The following XKR6 variants were observed in gnomAD, a reference collection of about 807,000 sequenced individuals.
The protein encoded by XKR6 is XK related 6.
In XKR6, 22 loss-of-function variants were observed where a neutral mutation model predicts 56.7. The ratio of observed to expected loss-of-function variants is 0.39; its 90% confidence interval spans 0.28 to 0.55. XKR6 has a LOEUF of 0.55. Among genes scored for constraint, XKR6 ranks in the 20% least tolerant of loss-of-function variants. XKR6 has a pLI of 0.66. For missense variants in XKR6, 852 were observed against 889.0 expected (o/e 0.96, Z 0.53); for synonymous variants, 524 against 387.8 (o/e 1.35, Z -4.13).
intron 1 of XKR6, among the ~76,000 whole-genome samples, chr8:11,143,884 G>T (rs934104264): frequency 1.3e-5 from 2 of 152,192 alleles, no homozygotes; most frequent in African/African-American, 4.8e-5. Flanking sequence ...GAGGCTGGAA[G>T]TGCAAGATCT....
At chr8:11,091,293 C>T (rs1165082196) in intron 1 of XKR6, among the ~76,000 whole-genome samples, 1 of 151,930 alleles carries the variant, frequency 6.6e-6, no homozygotes, top group Non-Finnish European at 1.5e-5. Context: ...TATAAATTAG[C>T]CAGGTGTGGT....
At chr8:11,113,344 G>C (rs1798999918) in intron 1 of XKR6, among the ~76,000 whole-genome samples, 1 of 151,986 alleles carries the variant, frequency 6.6e-6, no homozygotes, top group Non-Finnish European at 1.5e-5. Context: ...AAAGGACATG[G>C]TCCATCAGAA....
intron 2 of XKR6, among the ~76,000 whole-genome samples, chr8:10,905,257 G>A (rs923240232): frequency 2.0e-5 from 3 of 152,152 alleles, no homozygotes; most frequent in East Asian, 1.9e-4. Context: ...ATCTGCCCCA[G>A]TGGAGAGCTG....
At chr8:11,195,179 T>C (rs776844602) in intron 1 of XKR6, 3 of 703,134 alleles carry the variant, frequency 4.3e-6, no homozygotes, top group African/African-American at 1.7e-5. Context: ...TGTGGTTAAA[T>C]CTGCTCCTTC....
intron 1 of XKR6, among the ~76,000 whole-genome samples, chr8:11,131,385 T>A (rs893862529): frequency 6.6e-6 from 1 of 152,178 alleles, no homozygotes; most frequent in Non-Finnish European, 1.5e-5. Context: ...AAAGAGTAAT[T>A]AACATAGAAG....
At chr8:11,062,683 T>TAGA (rs1799865737) in intron 1 of XKR6, 1 of 452,920 alleles carries the variant, frequency 2.2e-6, no homozygotes, top group African/African-American at 2.0e-5. Context: ...GTGATCTGGT[T>TAGA]TTTAGTTAGA....
chr8:11,014,441 C>T (rs948245559), intron 1 of XKR6, among the ~76,000 whole-genome samples: 5 of 152,156 alleles, frequency 3.3e-5, no homozygotes, highest in Non-Finnish European at 7.3e-5. Context: ...CCTGCGGGCT[C>T]CCCAAGGACA....
intron 1 of XKR6, among the ~76,000 whole-genome samples, chr8:11,059,652 C>A (rs1563110028): frequency 7.5e-6 from 1 of 133,766 alleles, no homozygotes; most frequent in African/African-American, 3.3e-5. Flanking sequence ...GGGACAGGTG[C>A]GGGGGGCGCG....
chr8:10,948,258 C>T (rs529225151), intron 1 of XKR6, among the ~76,000 whole-genome samples: 7 of 152,172 alleles, frequency 4.6e-5, no homozygotes, highest in Admixed American at 1.3e-4. Flanking sequence ...GATTTGGGCT[C>T]AGGTCCGTCC....
intron 1 of XKR6, among the ~76,000 whole-genome samples, chr8:11,034,642 T>G (rs997316337): frequency 6.6e-6 from 1 of 152,218 alleles, no homozygotes; most frequent in Non-Finnish European, 1.5e-5. Context: ...GAGACAACTT[T>G]GTCCCTAAGC....
intron 1 of XKR6, among the ~76,000 whole-genome samples, chr8:10,970,503 C>T (rs1208140803): frequency 6.6e-6 from 1 of 152,062 alleles, no homozygotes; most frequent in Non-Finnish European, 1.5e-5. Flanking sequence ...CTTGGAGGAT[C>T]TGCACATGAA....
At chr8:10,962,109 G>A (rs568929017) in intron 1 of XKR6, among the ~76,000 whole-genome samples, 70 of 152,252 alleles carry the variant, frequency 4.6e-4, no homozygotes, top group African/African-American at 1.5e-3. Flanking sequence ...GACTTTCCGC[G>A]GGGGCGACAG....
chr8:11,155,173 G>A (rs1801457958), intron 1 of XKR6, among the ~76,000 whole-genome samples: 1 of 152,162 alleles, frequency 6.6e-6, no homozygotes, highest in Non-Finnish European at 1.5e-5. Context: ...TTATCACTCA[G>A]AAAGATTCCA....
intron 1 of XKR6, chr8:11,108,568 G>A (rs926040043): frequency 2.9e-6 from 1 of 345,352 alleles, no homozygotes; most frequent in Non-Finnish European, 5.6e-6. Flanking sequence ...TAGTGCCTTG[G>A]ACTCTATTTC....
At chr8:11,033,402 A>G (rs1373474892) in intron 1 of XKR6, among the ~76,000 whole-genome samples, 3 of 132,884 alleles carry the variant, frequency 2.3e-5, no homozygotes, top group East Asian at 2.3e-4. Flanking sequence ...TGATGACGAT[A>G]GTGATGGTGA....
At chr8:11,162,963 A>G (rs1251821299) in intron 1 of XKR6, among the ~76,000 whole-genome samples, 1 of 152,234 alleles carries the variant, frequency 6.6e-6, no homozygotes, top group Non-Finnish European at 1.5e-5. Context: ...GTTTTGGACC[A>G]TGAGCCTGCA....
At chr8:11,144,222 A>C (rs1800860996) in intron 1 of XKR6, among the ~76,000 whole-genome samples, 1 of 76,370 alleles carries the variant, frequency 1.3e-5, no homozygotes, top group Non-Finnish European at 2.6e-5. Flanking sequence ...TTTAAATAAA[A>C]AGTGTGTGTG....
Position 11,169,584 on chromosome 8 carries a change from C to T in XKR6, c.764+30992G>A, listed in dbSNP as rs182691599. On this transcript the variant is annotated intron_variant, in intron 1 of 2. Transcript: ENST00000416569. The stretch of plus-strand genomic sequence containing the variant: ...ACTTACATGAGGCACTTAAAACAGG[C>T]AAAGTCAGAGAGAAATTAGCATACA... Among the ~76,000 whole-genome samples, 7 of 152,214 alleles carry T rather than the reference C, an allele frequency of 4.6e-5. No individual in the cohort carries two copies. The East Asian group carries it at 1.4e-3, about 29-fold the overall frequency.
intron 1 of XKR6, chr8:11,104,558 G>A (rs1207537930): frequency 2.0e-5 from 3 of 152,216 alleles, no homozygotes; most frequent in South Asian, 2.1e-4. Context: ...CCTTCAGGGC[G>A]CTTTTGTGCA....
Sources: allele counts gnomAD v4.1 joint callset (sites outside exome capture counted in the v4.1 genomes callset), GRCh38; gene constraint gnomAD v4.1.1; transcripts MANE v1.5; gene names NCBI Gene and HGNC (gene_info 2026-07-23, HGNC 2026-07-21).